Variants in CFAP54 observed in about 807,000 individuals in gnomAD.
CFAP54 encodes cilia and flagella associated protein 54.
CFAP54 carries 290 observed loss-of-function variants against 370.4 expected under a neutral mutation model. The observed-to-expected ratio is 0.78, with a 90% CI of 0.71 to 0.86. The LOEUF (loss-of-function observed/expected upper bound fraction) is 0.86, where lower values mean the gene tolerates loss of function less well. Ranked by LOEUF, CFAP54 falls within the 40% of genes least tolerant of loss-of-function variation. The pLI, the probability that CFAP54 is intolerant of heterozygous loss-of-function variation, is 0.00. For synonymous variants in CFAP54, 1,206 were observed against 1,236.5 expected (o/e 0.98, Z 0.52); for missense variants, 3,399 against 3,528.7 (o/e 0.96, Z 0.93).
chr12:96,667,974 T>G (rs918841711), intron 39 of CFAP54, among the ~76,000 whole-genome samples: 6 of 152,202 alleles, frequency 3.9e-5, no homozygotes, highest in Non-Finnish European at 7.3e-5. Context: ...ATGCTGCCAG[T>G]CTCTTTGCAT....
At chr12:96,500,979 T>A in intron 2 of CFAP54, 40 bp downstream of exon 2, 3 of 1,237,442 alleles carry the variant, frequency 2.4e-6, no homozygotes, top group South Asian at 1.3e-5. Flanking sequence ...AGAAGTTCAT[T>A]TGGCTAATTA....
At chr12:96,794,518 T>A (rs1215134409) in intron 63 of CFAP54, among the ~76,000 whole-genome samples, 1 of 152,070 alleles carries the variant, frequency 6.6e-6, no homozygotes, top group African/African-American at 2.4e-5. Context: ...TTATACTTGT[T>A]CGATTCTATT....
At chr12:96,586,423 T>G (rs903974452) in intron 22 of CFAP54, among the ~76,000 whole-genome samples, 2 of 151,994 alleles carry the variant, frequency 1.3e-5, no homozygotes, top group African/African-American at 4.8e-5. Context: ...GTGGAGTATG[T>G]AAAACGAATT....
chr12:96,676,303 G>T lies in CFAP54; in HGVS notation c.5564-3297G>T, dbSNP rs138860140. Among the ~76,000 whole-genome samples, 301 of 152,228 alleles carry T rather than the reference G, an allele frequency of 2.0e-3. 2 individuals are homozygous for T. Among genetic ancestry groups the T allele is most frequent in the African/African-American group, 6.9e-3 (288 of 41,546 alleles). On this transcript the variant is annotated intron_variant, in intron 39 of 67. Transcript: ENST00000524981. ...TAATGAAGGAAGAATTATCATCCCA[G>T]TTTTAACAGATATTTAAAACTATGG...
At chr12:96,758,161 A>G (rs1031361440) in intron 58 of CFAP54, among the ~76,000 whole-genome samples, 3 of 152,216 alleles carry the variant, frequency 2.0e-5, no homozygotes, top group Non-Finnish European at 4.4e-5. Context: ...AGGAAAACAG[A>G]TAATAAACCA....
intron 25 of CFAP54, among the ~76,000 whole-genome samples, chr12:96,594,806 TG>T (rs1956160571): frequency 6.6e-6 from 1 of 152,078 alleles, no homozygotes; most frequent in South Asian, 2.1e-4. Flanking sequence ...AAAAACATGG[TG>T]GGAGACCCAA....
chr12:96,534,278 T>C (rs1441347431), intron 11 of CFAP54, 51 bp downstream of exon 11: 5 of 1,023,492 alleles, frequency 4.9e-6, no homozygotes, highest in Middle Eastern at 2.2e-4. Context: ...AAATATGCTC[T>C]TTTATAGATA....
chr12:96,824,987 A>C (rs1959070042), intron 65 of CFAP54, among the ~76,000 whole-genome samples: 1 of 151,398 alleles, frequency 6.6e-6, no homozygotes, highest in Non-Finnish European at 1.5e-5. Context: ...ATATCAGCAA[A>C]TTCCTTGTGT....
At chr12:96,497,736 G>A (rs75211397) in intron 1 of CFAP54, among the ~76,000 whole-genome samples, 3,954 of 152,284 alleles carry the variant, frequency 0.026, 120 homozygotes, top group African/African-American at 0.071. Context: ...TTGATGTACT[G>A]CACATGAAAA....
At chr12:96,730,993 T>A (rs1355437837) in intron 50 of CFAP54, among the ~76,000 whole-genome samples, 1 of 152,108 alleles carries the variant, frequency 6.6e-6, no homozygotes, top group Non-Finnish European at 1.5e-5. Flanking sequence ...TCTCTGGGGG[T>A]GTCTCCCAGA....
At chr12:96,654,658 C>G (rs1262019517) in intron 36 of CFAP54, among the ~76,000 whole-genome samples, 1 of 152,066 alleles carries the variant, frequency 6.6e-6, no homozygotes, top group Admixed American at 6.6e-5. Context: ...GCTCCTTTAA[C>G]TCACTCACTT....
chr12:96,857,210 A>T (rs894205599), intron 66 of CFAP54, among the ~76,000 whole-genome samples: 2 of 152,182 alleles, frequency 1.3e-5, no homozygotes, highest in African/African-American at 4.8e-5. Context: ...ACAGTTCAAG[A>T]TGAGATTTGA....
rs147969776 is a variant in CFAP54 at position 96,651,021 on chromosome 12, C to T, written c.4873-567C>T. On this transcript the variant is annotated intron_variant, in intron 35 of 67. Transcript: ENST00000524981. Reference sequence around the variant, plus strand: ...TGAGCCTCAAATGCTCTTCTCCACCCAACACCCTCACTGCCACTTTCACAT... The same window carrying T: ...TGAGCCTCAAATGCTCTTCTCCACCTAACACCCTCACTGCCACTTTCACAT... Among the ~76,000 whole-genome samples, 100 of 152,278 alleles carry T rather than the reference C, an allele frequency of 6.6e-4. 1 individual carries two copies. The highest frequency in any genetic ancestry group is 2.3e-3 in the African/African-American group (96 of 41,564).
At chr12:96,678,311 C>T (rs1001819267) in intron 39 of CFAP54, among the ~76,000 whole-genome samples, 7 of 152,062 alleles carry the variant, frequency 4.6e-5, no homozygotes, top group African/African-American at 4.8e-5. Flanking sequence ...AGTGCAGTGG[C>T]GCAATCTTGG....
intron 50 of CFAP54, 118 bp downstream of exon 50, chr12:96,720,683 T>A: frequency 1.2e-6 from 1 of 835,422 alleles, no homozygotes; most frequent in Non-Finnish European, 1.6e-6. Context: ...ATAGTATGCT[T>A]GCTTTTTATT....
chr12:96,749,391 G>A (rs1023754253), intron 55 of CFAP54, among the ~76,000 whole-genome samples: 1 of 152,248 alleles, frequency 6.6e-6, no homozygotes, highest in Non-Finnish European at 1.5e-5. Context: ...ATAACATCAT[G>A]TGGGGGTTAC....
chr12:96,621,484 AGACT>A, intron 26 of CFAP54, 102 bp from the exon 27 acceptor site: 1 of 755,802 alleles, frequency 1.3e-6, no homozygotes, highest in Non-Finnish European at 1.9e-6. Context: ...GGGGATTCTT[AGACT>A]GAAAACTCTA....
chr12:96,852,084 T>A (rs564262053), intron 66 of CFAP54, among the ~76,000 whole-genome samples: 62 of 152,186 alleles, frequency 4.1e-4, no homozygotes, highest in East Asian at 1.2e-3. Flanking sequence ...TCAGAAATTT[T>A]AAAAAATTAA....
rs184463178 is a variant in CFAP54 at position 96,790,059 on chromosome 12, G to A, written c.8680-2270G>A. On this transcript the variant is annotated intron_variant, in intron 62 of 67. Transcript: ENST00000524981. ...GCCTTTCCAGAACAATCATTGCTCC[G>A]TGTTGTGCTCATCAGTTGTGTGATT... is the stretch of plus-strand genomic sequence containing the variant. Among the ~76,000 whole-genome samples, 28 of 152,210 alleles carry A rather than the reference G, an allele frequency of 1.8e-4. No individual in the cohort carries two copies. In the East Asian group the frequency reaches 4.6e-3, roughly 25 times the overall value.
Sources: allele counts gnomAD v4.1 joint callset (sites outside exome capture counted in the v4.1 genomes callset), GRCh38; gene constraint gnomAD v4.1.1; transcripts MANE v1.5; gene names NCBI Gene and HGNC (gene_info 2026-07-23, HGNC 2026-07-21).